The following F11R variants were observed in gnomAD, a reference collection of about 807,000 sequenced individuals.
The protein encoded by F11R is F11 receptor.
F11R carries 27 observed loss-of-function variants against 39.3 expected under a neutral mutation model. The observed-to-expected ratio is 0.69, with a 90% CI of 0.51 to 0.95. The LOEUF (loss-of-function observed/expected upper bound fraction) is 0.95, where lower values mean the gene tolerates loss of function less well. Among genes scored for constraint, F11R ranks in the 40% least tolerant of loss-of-function variants. The pLI is 0.00. For synonymous variants in F11R, 131 were observed against 144.9 expected, an observed-to-expected ratio of 0.90 and a Z score of 0.69; for missense variants, 335 against 372.7, an observed-to-expected ratio of 0.90 and a Z score of 0.83.
intron 3 of F11R, 88 bp downstream of exon 3, chr1:161,000,932 G>C (rs1648443323): frequency 3.4e-6 from 5 of 1,471,888 alleles, no homozygotes; most frequent in Admixed American, 1.7e-5. Flanking sequence ...TGTGCCCTGG[G>C]ATAAGGGCAC....
chr1:161,009,619 A>G lies in F11R; in HGVS notation c.65-8266T>C, dbSNP rs145469848. Among the ~76,000 whole-genome samples, 1,258 of 152,302 alleles carry G rather than the reference A, an allele frequency of 8.3e-3. 14 individuals are homozygous for G. The highest frequency in any genetic ancestry group is 0.02 in the Admixed American group (304 of 15,284). On this transcript the variant is annotated intron_variant, in intron 1 of 9. Coordinates refer to ENST00000368026, the MANE Select transcript of F11R (RefSeq NM_016946.6). ...AACAGCCACATCTATCTATATATTT[A>G]TCTCCTCCCCCATGCTCTACTTACA...
chr1:161,015,415 T>A (rs1649407642), intron 1 of F11R, among the ~76,000 whole-genome samples: 1 of 136,968 alleles, frequency 7.3e-6, no homozygotes, highest in African/African-American at 2.8e-5. Flanking sequence ...AAAATATATA[T>A]ATATATATAT....
At chr1:161,017,953 GTGA>G (rs1649553560) in intron 1 of F11R, among the ~76,000 whole-genome samples, 1 of 152,224 alleles carries the variant, frequency 6.6e-6, no homozygotes, top group South Asian at 2.1e-4. Context: ...GAACTCTTCA[GTGA>G]TGATACCACA....
intron 1 of F11R, among the ~76,000 whole-genome samples, chr1:161,010,807 G>A (rs942653432): frequency 1.3e-5 from 2 of 151,644 alleles, no homozygotes; most frequent in African/African-American, 2.4e-5. Flanking sequence ...CCAAAATGGT[G>A]AAACCCCATC....
In F11R at chr1:160,998,688, G is replaced by A. The variant is rs1648267757; in HGVS notation, c.*183C>T. On this transcript the variant is annotated 3_prime_UTR_variant, in exon 10 of 10. Transcript: ENST00000368026. The stretch of plus-strand genomic sequence containing the variant: ...ACTCAGCAGTGGTAGGAAAGGGAGG[G>A]AGGGCATGAAGGAGGATGGGGCACA... 4.8e-6 allele frequency: 3 copies of A among 627,358 alleles called. No individual in the cohort carries two copies. Among genetic ancestry groups the A allele is most frequent in the South Asian group, 3.9e-5 (2 of 51,026 alleles). 38.9% of individuals were successfully genotyped at this position (627,358 alleles called of 1,614,324 possible).
intron 1 of F11R, 109 bp from the exon 2 acceptor site, chr1:161,001,462 G>T: frequency 1.1e-6 from 1 of 874,910 alleles, no homozygotes; most frequent in South Asian, 1.5e-5. Context: ...GACCCTAAGA[G>T]GAAGGGATTC....
intron 1 of F11R, among the ~76,000 whole-genome samples, chr1:161,020,264 A>G (rs1354782540): frequency 6.6e-6 from 1 of 152,190 alleles, no homozygotes; most frequent in Admixed American, 6.5e-5. Context: ...GGGAGGGCAG[A>G]GCTCTGGCTC....
intron 1 of F11R, among the ~76,000 whole-genome samples, chr1:161,020,760 G>A (rs1649713583): frequency 2.0e-5 from 3 of 152,168 alleles, no homozygotes; most frequent in Admixed American, 2.0e-4. Flanking sequence ...GTGTGCAGAT[G>A]GGTCAGCTCC....
chr1:160,998,975 A>G (rs1016571312), intron 9 of F11R, 68 bp downstream of exon 9: 6 of 1,612,804 alleles, frequency 3.7e-6, no homozygotes, highest in Non-Finnish European at 5.1e-6. Context: ...AAACACATAA[A>G]CATGGGCTAG....
rs552269932 is a variant in F11R at position 160,999,745 on chromosome 1, C to A, written c.697G>T (p.Glu233Ter). Residue 233 changes from glutamate (E) to a stop codon, truncating the protein, a stop_gained and splice_region_variant, in exon 7 of 10, where the codon GAG becomes TAG. Coordinates refer to ENST00000368026, the MANE Select transcript of F11R (RefSeq NM_016946.6). LOFTEE classifies it high-confidence loss of function. ...TSNAVRMEAV[E>*]RNVGVIVAAV... ...GCCACGATGACCCCCACATTCCGCT[C>A]CACTGCGAGACACAAATAAGAAGTC... 6.2e-7 allele frequency: 1 copy of A among 1,614,156 alleles called. No homozygotes were observed. The highest frequency in any genetic ancestry group is 2.2e-5 in the East Asian group (1 of 44,884).
chr1:160,998,719 G>T lies in F11R; in HGVS notation c.*152C>A. The T allele has an allele frequency of 1.4e-6, 1 of 702,032 alleles. No homozygotes were observed. The highest frequency in any genetic ancestry group is 2.5e-6 in the Non-Finnish European group (1 of 401,134). The allele number at this position is 702,032 out of a possible 1,614,324, so 43.5% of individuals were successfully genotyped here. A position where few individuals can be genotyped will look rare whatever the true frequency, so the allele number is the denominator to read the frequency against. On this transcript the variant is annotated 3_prime_UTR_variant, in exon 10 of 10. Transcript: ENST00000368026. ...ATGAAGGAGGATGGGGCACATAGCT[G>T]ACATTATTAAAAACACATCCGAAGA...
At chr1:161,011,742 A>G (rs932420015) in intron 1 of F11R, among the ~76,000 whole-genome samples, 3 of 152,098 alleles carry the variant, frequency 2.0e-5, no homozygotes, top group Non-Finnish European at 4.4e-5. Context: ...AAAAAAAAAA[A>G]AAGTATATTT....
intron 1 of F11R, among the ~76,000 whole-genome samples, chr1:161,002,281 A>G (rs1409770748): frequency 1.3e-5 from 2 of 151,756 alleles, no homozygotes; most frequent in African/African-American, 2.4e-5. Context: ...AAAAAAAAAA[A>G]AACACACAAC....
chr1:161,001,712 G>C (rs1205855162), intron 1 of F11R, among the ~76,000 whole-genome samples: 1 of 152,200 alleles, frequency 6.6e-6, no homozygotes, highest in African/African-American at 2.4e-5. Flanking sequence ...AATGATTGCA[G>C]CCACTTGTCA....
chr1:161,006,440 C>T (rs1237748245), intron 1 of F11R, among the ~76,000 whole-genome samples: 1 of 152,162 alleles, frequency 6.6e-6, no homozygotes, highest in African/African-American at 2.4e-5. Flanking sequence ...ACACACAAAT[C>T]ACAACATGTG....
intron 1 of F11R, among the ~76,000 whole-genome samples, chr1:161,017,440 C>T (rs1038217492): frequency 3.9e-5 from 6 of 152,184 alleles, no homozygotes; most frequent in Admixed American, 1.3e-4. Flanking sequence ...GTGGGACATG[C>T]GGGCAGCAAT....
chr1:161,016,154 A>G (rs760504921), intron 1 of F11R, among the ~76,000 whole-genome samples: 1 of 152,096 alleles, frequency 6.6e-6, no homozygotes. Context: ...CCTGGCCAAC[A>G]TGGTGAAAAC....
chr1:161,016,540 C>A (rs1018984202), intron 1 of F11R, among the ~76,000 whole-genome samples: 1 of 152,008 alleles, frequency 6.6e-6, no homozygotes, highest in Non-Finnish European at 1.5e-5. Context: ...GCCTGTAGTC[C>A]CAGCTGCTGG....
At chr1:161,007,955 T>C (rs1648919784) in intron 1 of F11R, among the ~76,000 whole-genome samples, 2 of 152,140 alleles carry the variant, frequency 1.3e-5, no homozygotes, top group South Asian at 4.1e-4. Context: ...ATCCTCCTCA[T>C]CTATTTCATA....
Sources: gnomAD v4.1 joint callset for allele counts (sites outside exome capture counted in the v4.1 genomes callset) on GRCh38, gnomAD v4.1.1 for gene constraint, MANE v1.5 for transcripts, NCBI Gene and HGNC (gene_info 2026-07-23, HGNC 2026-07-21) for gene names.